Variants in VPS13A observed in about 807,000 individuals in gnomAD.
VPS13A encodes vacuolar protein sorting 13 homolog A, also known as intermembrane lipid transfer protein VPS13A.
Under a neutral mutation model 390.9 loss-of-function variants are expected in VPS13A, and 264 were observed. The observed-to-expected ratio is 0.68, with a 90% CI of 0.61 to 0.75. VPS13A has a LOEUF of 0.75. VPS13A is among the 30% of genes least tolerant of loss of function. The pLI is 0.00. For synonymous variants in VPS13A, 1,231 were observed against 1,227.1 expected (o/e 1.00, Z -0.07); for missense variants, 3,409 against 3,733.9 (o/e 0.91, Z 2.27).
chr9:77,214,226 A>C (rs1306756340), intron 9 of VPS13A, 103 bp from the exon 10 acceptor site: 2 of 954,994 alleles, frequency 2.1e-6, no homozygotes, highest in Non-Finnish European at 3.4e-6. Context: ...CAGTGAGCTG[A>C]GATTGCACCA....
At chr9:77,207,776 C>T (rs921857114) in intron 5 of VPS13A, among the ~76,000 whole-genome samples, 1 of 152,138 alleles carries the variant, frequency 6.6e-6, no homozygotes, top group African/African-American at 2.4e-5. Flanking sequence ...TTATCTTCCT[C>T]TCTCTCCACT....
At chr9:77,389,357 G>A (rs925474180) in intron 68 of VPS13A, among the ~76,000 whole-genome samples, 52 of 150,568 alleles carry the variant, frequency 3.5e-4, no homozygotes, top group Non-Finnish European at 5.3e-4. Flanking sequence ...GCCCATGCTG[G>A]AGTGCAGTGG....
chr9:77,266,980 C>T (rs568770331), intron 23 of VPS13A, among the ~76,000 whole-genome samples: 5 of 152,068 alleles, frequency 3.3e-5, no homozygotes, highest in East Asian at 1.9e-4. Flanking sequence ...ATATGCTTCA[C>T]GAAGTTCTCA....
chr9:77,320,547 A>G (rs1298929132), intron 42 of VPS13A, among the ~76,000 whole-genome samples: 1 of 152,162 alleles, frequency 6.6e-6, no homozygotes, highest in African/African-American at 2.4e-5. Flanking sequence ...GCTTAAAGCC[A>G]GTTAAAGTAA....
intron 71 of VPS13A, among the ~76,000 whole-genome samples, chr9:77,415,096 G>A (rs951258637): frequency 2.0e-5 from 3 of 152,224 alleles, no homozygotes; most frequent in South Asian, 2.1e-4. Flanking sequence ...GTCTTCATAT[G>A]CTTGTCACCT....
rs547128856 is a variant in VPS13A, at chr9:77,196,687, A to T, written c.101-3258A>T. Reference sequence around the variant, plus strand: ...ATTGTTTTGTTTTGTTTTTTTTTTTAAATGGGGAATAGTATTTCACTGTGT... The same window carrying T: ...ATTGTTTTGTTTTGTTTTTTTTTTTTAATGGGGAATAGTATTTCACTGTGT... On this transcript the variant is annotated intron_variant, in intron 1 of 71. Coordinates refer to ENST00000360280, the MANE Select transcript of VPS13A (RefSeq NM_033305.3). Among the ~76,000 whole-genome samples, 1,279 of 147,456 alleles carry T rather than the reference A, an allele frequency of 8.7e-3. 10 individuals carry two copies. The highest frequency in any genetic ancestry group is 0.014 in the South Asian group (67 of 4,694).
chr9:77,189,834 A>G (rs1401217802), intron 1 of VPS13A, among the ~76,000 whole-genome samples: 2 of 147,890 alleles, frequency 1.4e-5, no homozygotes, highest in Non-Finnish European at 3.0e-5. Flanking sequence ...GATTAGCTCT[A>G]TTCCTAGGCA....
chr9:77,371,227 A>G, intron 67 of VPS13A, 78 bp downstream of exon 67: 1 of 1,591,424 alleles, frequency 6.3e-7, no homozygotes, highest in South Asian at 1.1e-5. Flanking sequence ...CTTTGGCTTC[A>G]GGCATTTAGT....
At chr9:77,383,136 A>G (rs41289981) in intron 68 of VPS13A, 70 of 746,824 alleles carry the variant, frequency 9.4e-5, no homozygotes, top group Non-Finnish European at 1.1e-4. Flanking sequence ...GTAAAGATTT[A>G]AACTTCAGTA....
chr9:77,255,374 G>T (rs1825381779), intron 22 of VPS13A, among the ~76,000 whole-genome samples: 1 of 151,848 alleles, frequency 6.6e-6, no homozygotes, highest in Non-Finnish European at 1.5e-5. Flanking sequence ...TTTATTCCAG[G>T]AATAAATCCT....
chr9:77,389,123 C>CT (rs1377354444), intron 68 of VPS13A, among the ~76,000 whole-genome samples: 3 of 151,968 alleles, frequency 2.0e-5, no homozygotes, highest in Admixed American at 6.6e-5. Context: ...GGTATATTTC[C>CT]TTTTTAAATT....
At chr9:77,252,110 T>G (rs912835530) in intron 21 of VPS13A, 125 bp from the exon 22 acceptor site, 57 of 790,158 alleles carry the variant, frequency 7.2e-5, no homozygotes, top group Non-Finnish European at 1.1e-4. Flanking sequence ...GAATGTGACA[T>G]TAAGATTACC....
At chr9:77,359,458 G>T in intron 58 of VPS13A, 56 bp downstream of exon 58, 2 of 1,398,100 alleles carry the variant, frequency 1.4e-6, no homozygotes, top group South Asian at 1.2e-5. Flanking sequence ...TTAAATATAT[G>T]AATTGTTTGT....
rs1466732475 is a variant in VPS13A, at chr9:77,337,401, T to A, written c.6242T>A (p.Ile2081Asn). 6.2e-7 allele frequency: 1 copy of A among 1,612,850 alleles called. No individual in the cohort carries two copies. Among genetic ancestry groups the A allele is most frequent in the African/African-American group, 1.3e-5 (1 of 74,886 alleles). The change falls in exon 47 of 72, where the codon ATT (isoleucine) becomes AAT (asparagine). Residue 2081 changes from isoleucine to asparagine, a missense_variant. Ile to Asn is a moderately radical substitution (Grantham distance 149). This residue lies in a region of VPS13A where 2,717 missense variants were observed against 2,917.4 expected (regional missense o/e 0.93). Transcript: ENST00000360280. ...NPSKESFLIN[I>N]VPEKDNLTSL... is the part of the protein sequence containing the mutation. ...TCTAAGGAATCATTTCTCATTAATA[T>A]TGTTCCAGAAAAAGATAATTTAACA...
chr9:77,204,842 T>A (rs1397232777), intron 3 of VPS13A, among the ~76,000 whole-genome samples: 1 of 152,158 alleles, frequency 6.6e-6, no homozygotes, highest in Non-Finnish European at 1.5e-5. Flanking sequence ...TTGCCTAGGC[T>A]GGTCTTGAAC....
At chr9:77,307,822 T>A in intron 34 of VPS13A, 123 bp from the exon 35 acceptor site, 1 of 777,930 alleles carries the variant, frequency 1.3e-6, no homozygotes, top group Non-Finnish European at 2.1e-6. Flanking sequence ...TGTAAAAATG[T>A]TTAATTGGTG....
intron 35 of VPS13A, among the ~76,000 whole-genome samples, chr9:77,313,721 T>TCATACTAATACTCAGTG (rs1829224849): frequency 6.6e-6 from 1 of 152,180 alleles, no homozygotes; most frequent in African/African-American, 2.4e-5. Flanking sequence ...TGATTAGTTC[T>TCATACTAATACTCAGTG]ATTTTTCCTT....
intron 17 of VPS13A, 86 bp from the exon 18 acceptor site, chr9:77,237,916 T>C (rs1824248356): frequency 3.9e-6 from 4 of 1,026,282 alleles, no homozygotes; most frequent in Non-Finnish European, 5.9e-6. Context: ...GAAGTTGTCT[T>C]CATTAATTTT....
intron 23 of VPS13A, among the ~76,000 whole-genome samples, chr9:77,266,642 G>A (rs945179908): frequency 1.3e-5 from 2 of 151,820 alleles, no homozygotes; most frequent in Non-Finnish European, 2.9e-5. Context: ...ATGTGTCTTG[G>A]GGTTGCTCTT....
Sources: gnomAD v4.1 joint callset for allele counts (sites outside exome capture counted in the v4.1 genomes callset) on GRCh38, gnomAD v4.1.1 for gene constraint, gnomAD v4.1.1 regional missense constraint, MANE v1.5 for transcripts, NCBI Gene and HGNC (gene_info 2026-07-23, HGNC 2026-07-21) for gene names.